TYW1: variants seen among roughly 807,000 people sequenced by gnomAD.
The protein encoded by TYW1 is tRNA-yW synthesizing protein 1 homolog, also known as S-adenosyl-L-methionine-dependent tRNA 4-demethylwyosine synthase TYW1.
In TYW1, 46 loss-of-function variants were observed where a neutral mutation model predicts 96.2. That is an observed-to-expected ratio of 0.48 (90% CI 0.38 to 0.61). TYW1 has a LOEUF of 0.61. TYW1 is among the 20% of genes least tolerant of loss of function. TYW1 has a pLI of 0.00. For missense variants in TYW1, 684 were observed against 909.6 expected (o/e 0.75, Z 3.19); for synonymous variants, 274 against 323.0 (o/e 0.85, Z 1.63).
At chr7:67,082,896 G>T (rs754611997) in intron 10 of TYW1, among the ~76,000 whole-genome samples, 22 of 152,040 alleles carry the variant, frequency 1.4e-4, no homozygotes, top group Non-Finnish European at 3.1e-4. Flanking sequence ...AGGGGCTTTG[G>T]CTCCCAGGGC....
At chr7:67,187,455 C>G in intron 14 of TYW1, among the ~76,000 whole-genome samples, 1 of 152,188 alleles carries the variant, frequency 6.6e-6, no homozygotes, top group Non-Finnish European at 1.5e-5. Flanking sequence ...TCATATCTTT[C>G]ATAAAAGACC....
chr7:67,180,834 G>A (rs1799817985), intron 13 of TYW1, among the ~76,000 whole-genome samples: 1 of 151,952 alleles, frequency 6.6e-6, no homozygotes, highest in South Asian at 2.1e-4. Context: ...AGTGGAGATG[G>A]GGTTTCACCA....
At chr7:67,032,959 C>T (rs1794719487) in intron 7 of TYW1, among the ~76,000 whole-genome samples, 2 of 123,700 alleles carry the variant, frequency 1.6e-5, no homozygotes, top group Non-Finnish European at 3.2e-5. Context: ...TGCAGTGGCA[C>T]AATCTCAGCT....
At chr7:67,046,149 A>T (rs1383922757) in intron 7 of TYW1, among the ~76,000 whole-genome samples, 1 of 152,170 alleles carries the variant, frequency 6.6e-6, no homozygotes, top group Non-Finnish European at 1.5e-5. Flanking sequence ...TGAAGCCAGG[A>T]GGTGTGATTT....
At chr7:67,225,636 A>C (rs1273384435) in intron 15 of TYW1, among the ~76,000 whole-genome samples, 1 of 152,086 alleles carries the variant, frequency 6.6e-6, no homozygotes, top group Non-Finnish European at 1.5e-5. Flanking sequence ...TGTGGAACTC[A>C]CCCTCATCAG....
At chr7:67,047,226 C>G (rs921884792) in intron 7 of TYW1, among the ~76,000 whole-genome samples, 2 of 152,120 alleles carry the variant, frequency 1.3e-5, no homozygotes, top group Admixed American at 6.6e-5. Context: ...TGCTTCACCA[C>G]AAGACTTCTT....
At chr7:67,038,431 C>A (rs537466349) in intron 7 of TYW1, among the ~76,000 whole-genome samples, 3 of 152,062 alleles carry the variant, frequency 2.0e-5, no homozygotes, top group East Asian at 3.9e-4. Flanking sequence ...CATAGTGAGA[C>A]CCTTGTCTCT....
chr7:67,150,564 AT>A (rs1798763411), intron 13 of TYW1, among the ~76,000 whole-genome samples: 1 of 152,254 alleles, frequency 6.6e-6, no homozygotes, highest in Admixed American at 6.5e-5. Context: ...CCTTCTAAAT[AT>A]TATGTTCATT....
chr7:67,052,977 C>G (rs1260312033), intron 8 of TYW1, among the ~76,000 whole-genome samples: 9 of 151,902 alleles, frequency 5.9e-5, no homozygotes, highest in Non-Finnish European at 7.4e-5. Context: ...TCCTGACCTC[C>G]TGATCTGCCC....
chr7:67,156,711 G>A (rs1295599902), intron 13 of TYW1, among the ~76,000 whole-genome samples: 1 of 152,086 alleles, frequency 6.6e-6, no homozygotes, highest in Non-Finnish European at 1.5e-5. Context: ...ATGTGGAGAT[G>A]CAGGGGCTAT....
chr7:67,015,238 A>G (rs1159132966), intron 5 of TYW1, among the ~76,000 whole-genome samples: 3 of 152,152 alleles, frequency 2.0e-5, no homozygotes, highest in Non-Finnish European at 4.4e-5. Flanking sequence ...TCCTGACCTC[A>G]GGTGATCCAC....
At chr7:67,082,920 G>A (rs1796431529) in intron 10 of TYW1, among the ~76,000 whole-genome samples, 1 of 152,082 alleles carries the variant, frequency 6.6e-6, no homozygotes, top group South Asian at 2.1e-4. Context: ...ATACACTCTA[G>A]CAGTGGTTTT....
intron 15 of TYW1, among the ~76,000 whole-genome samples, chr7:67,218,248 T>C (rs866102744): frequency 1.1e-4 from 16 of 152,218 alleles, no homozygotes; most frequent in South Asian, 4.1e-4. Context: ...CAGTAATATT[T>C]TATACTTTTC....
intron 13 of TYW1, among the ~76,000 whole-genome samples, chr7:67,147,411 A>G (rs1440176636): frequency 1.4e-5 from 2 of 144,674 alleles, no homozygotes; most frequent in African/African-American, 5.4e-5. Flanking sequence ...AAGTAGCTCA[A>G]GCATGCTCTG....
intron 10 of TYW1, among the ~76,000 whole-genome samples, chr7:67,068,829 G>A (rs1356376974): frequency 6.6e-6 from 1 of 152,060 alleles, no homozygotes; most frequent in Non-Finnish European, 1.5e-5. Flanking sequence ...TATTTATCAT[G>A]GAATTTATTA....
intron 13 of TYW1, among the ~76,000 whole-genome samples, chr7:67,158,947 G>A (rs1799072056): frequency 6.6e-6 from 1 of 152,168 alleles, no homozygotes; most frequent in Admixed American, 6.5e-5. Context: ...GTTTGTTAAT[G>A]TAATTTTATT....
chr7:67,206,708 GA>G (rs1315142154), intron 15 of TYW1, among the ~76,000 whole-genome samples: 3 of 151,986 alleles, frequency 2.0e-5, no homozygotes, highest in Non-Finnish European at 4.4e-5. Context: ...GAAAGAAGCA[GA>G]AAAGGAGCAA....
At chr7:67,032,306 G>A (rs1167004296) in intron 7 of TYW1, among the ~76,000 whole-genome samples, 1 of 151,986 alleles carries the variant, frequency 6.6e-6, no homozygotes, top group Non-Finnish European at 1.5e-5. Flanking sequence ...GAGCAGCTGC[G>A]GGGAGGCAGG....
intron 6 of TYW1, among the ~76,000 whole-genome samples, chr7:67,023,556 T>A (rs1211778202): frequency 2.0e-5 from 3 of 151,828 alleles, no homozygotes; most frequent in African/African-American, 7.3e-5. Flanking sequence ...TCACCTGAGG[T>A]CAAGAGTCTG....
Sources: allele counts gnomAD v4.1 joint callset (sites outside exome capture counted in the v4.1 genomes callset), GRCh38; gene constraint gnomAD v4.1.1; transcripts MANE v1.5; gene names NCBI Gene and HGNC (gene_info 2026-07-23, HGNC 2026-07-21).